The following DSCAM variants were observed in gnomAD, a reference collection of about 807,000 sequenced individuals.
The protein encoded by DSCAM is cell adhesion molecule DSCAM.
DSCAM carries 47 observed loss-of-function variants against 217.7 expected under a neutral mutation model. The observed-to-expected ratio is 0.22, with a 90% CI of 0.17 to 0.28. The LOEUF (loss-of-function observed/expected upper bound fraction) is 0.28, where lower values mean the gene tolerates loss of function less well. Among genes scored for constraint, DSCAM ranks in the 10% least tolerant of loss-of-function variants. DSCAM has a pLI of 1.00. For missense variants in DSCAM, 2,080 were observed against 2,618.3 expected, an observed-to-expected ratio of 0.79 and a Z score of 4.49; for synonymous variants, 1,056 against 1,015.3, an observed-to-expected ratio of 1.04 and a Z score of -0.76.
chr21:40,577,805 C>A (rs1394510975), intron 3 of DSCAM, among the ~76,000 whole-genome samples: 1 of 152,172 alleles, frequency 6.6e-6, no homozygotes, highest in Non-Finnish European at 1.5e-5. Flanking sequence ...GGCTTTAAGA[C>A]TACTACAAGG....
intron 3 of DSCAM, among the ~76,000 whole-genome samples, chr21:40,377,493 G>T (rs1818345909): frequency 6.6e-6 from 1 of 152,054 alleles, no homozygotes; most frequent in African/African-American, 2.4e-5. Context: ...TGATTCTGAG[G>T]GACCTATGGG....
At chr21:40,236,350 C>T (rs1403359023) in intron 11 of DSCAM, among the ~76,000 whole-genome samples, 1 of 152,148 alleles carries the variant, frequency 6.6e-6, no homozygotes, top group African/African-American at 2.4e-5. Context: ...CTCACGCTCA[C>T]CGTGTTGTAA....
chr21:40,347,478 C>G (rs889848696), intron 6 of DSCAM, among the ~76,000 whole-genome samples, 192 bp downstream of exon 6: 4 of 152,140 alleles, frequency 2.6e-5, no homozygotes, highest in Non-Finnish European at 5.9e-5. Flanking sequence ...TAATATGAAA[C>G]AATTTTATTT....
chr21:40,282,516 G>A (rs534075151), intron 10 of DSCAM, among the ~76,000 whole-genome samples: 5 of 149,612 alleles, frequency 3.3e-5, no homozygotes, highest in Non-Finnish European at 5.9e-5. Context: ...GCCTGAACCC[G>A]GGAGGCAGAG....
chr21:40,846,760 G>A lies in DSCAM; in HGVS notation c.-99C>T. 2.0e-6 allele frequency: 1 copy of A among 489,628 alleles called. No individual in the cohort carries two copies. Among genetic ancestry groups the A allele is most frequent in the South Asian group, 8.0e-5 (1 of 12,432 alleles). The allele number at this position is 489,628 out of a possible 1,614,324, so 30.3% of individuals were successfully genotyped here. On this transcript the variant is annotated 5_prime_UTR_variant, in exon 1 of 33. Transcript: ENST00000400454. ...GCTCGCCGCTCGGCACCTGCCCGGG[G>A]GCCGCCGCCCGCCCGCCGCCCGCCG...
rs796310854 is a variant in DSCAM, at chr21:40,324,132, G to GA, written c.1784-11774dup. Among the ~76,000 whole-genome samples, 387 of 80,146 alleles carry GA rather than the reference G, an allele frequency of 4.8e-3. 8 individuals are homozygous for GA. Among genetic ancestry groups the GA allele is most frequent in the South Asian group, 0.03 (70 of 2,358 alleles). 52.6% of individuals were successfully genotyped at this position (80,146 alleles called of 152,430 possible). A position where few individuals can be genotyped will look rare whatever the true frequency, so the allele number is the denominator to read the frequency against. The stretch of plus-strand genomic sequence containing the variant: ...AAAAAAAAAAAAAAAAAAAAAAAAA[G>GA]AAAAAAAAAAGAGAGAGAGAGAAAA... On this transcript the variant is annotated intron_variant, in intron 8 of 32. Coordinates refer to ENST00000400454, the MANE Select transcript of DSCAM (RefSeq NM_001389.5).
intron 1 of DSCAM, among the ~76,000 whole-genome samples, chr21:40,776,103 A>G (rs1003391053): frequency 6.6e-6 from 1 of 151,916 alleles, no homozygotes; most frequent in African/African-American, 2.4e-5. Context: ...TATTTATGTT[A>G]TTATTGCTTA....
intron 11 of DSCAM, among the ~76,000 whole-genome samples, chr21:40,265,601 G>T (rs1336419336): frequency 1.3e-5 from 2 of 152,076 alleles, no homozygotes; most frequent in African/African-American, 4.8e-5. Context: ...GATACTACAA[G>T]GCTATAGTAA....
intron 14 of DSCAM, among the ~76,000 whole-genome samples, chr21:40,181,739 T>C (rs2090804413): frequency 6.6e-6 from 1 of 151,824 alleles, no homozygotes. Flanking sequence ...GACTTGACAA[T>C]GCACAGAAAT....
rs1235367936 is a variant in DSCAM, at chr21:40,339,435, G to A, written c.1211-20C>T. 8 of 1,572,500 alleles carry A rather than the reference G, an allele frequency of 5.1e-6. No homozygotes were observed. The South Asian group carries it at 9.2e-5, about 18-fold the overall frequency. Reference sequence around the variant, plus strand: ...TTCCATCTGCAGGAAAACAAATTATGGAAGAAAGTGGCACATACAAATAAT... The same window carrying A: ...TTCCATCTGCAGGAAAACAAATTATAGAAGAAAGTGGCACATACAAATAAT... On this transcript the variant is annotated intron_variant, in intron 6 of 32. Transcript: ENST00000400454.
chr21:40,262,902 G>C (rs1314623232), intron 11 of DSCAM, among the ~76,000 whole-genome samples: 1 of 152,196 alleles, frequency 6.6e-6, no homozygotes, highest in Non-Finnish European at 1.5e-5. Flanking sequence ...TGAAACTAAT[G>C]TGCATGCACC....
chr21:40,307,704 C>T (rs1435877881), intron 9 of DSCAM, among the ~76,000 whole-genome samples: 1 of 152,062 alleles, frequency 6.6e-6, no homozygotes, highest in Non-Finnish European at 1.5e-5. Flanking sequence ...CAGTGATAGA[C>T]TGGATTAAGA....
intron 3 of DSCAM, among the ~76,000 whole-genome samples, chr21:40,648,250 TACACACACACACAC>T (rs10639388): frequency 6.9e-6 from 1 of 145,708 alleles, no homozygotes; most frequent in African/African-American, 2.5e-5. Flanking sequence ...CATATCCCTG[TACACACACACACAC>T]ACACACACAC....
intron 1 of DSCAM, among the ~76,000 whole-genome samples, chr21:40,748,774 A>G (rs998593849): frequency 1.1e-4 from 16 of 152,262 alleles, no homozygotes; most frequent in African/African-American, 3.8e-4. Flanking sequence ...CTGGAGAGCT[A>G]AAGGAATCTT....
chr21:40,679,238 G>A (rs757353368), intron 3 of DSCAM, among the ~76,000 whole-genome samples: 1 of 152,184 alleles, frequency 6.6e-6, no homozygotes, highest in Admixed American at 6.5e-5. Flanking sequence ...CACTCTCATG[G>A]AAAAGTTTCT....
At chr21:40,701,570 C>T (rs1462430337) in intron 2 of DSCAM, among the ~76,000 whole-genome samples, 3 of 152,104 alleles carry the variant, frequency 2.0e-5, no homozygotes, top group African/African-American at 2.4e-5. Context: ...GCAATAAAAT[C>T]TCCCTATTTT....
intron 3 of DSCAM, among the ~76,000 whole-genome samples, chr21:40,404,082 ACT>A (rs1412566956): frequency 6.6e-6 from 1 of 151,582 alleles, no homozygotes; most frequent in Non-Finnish European, 1.5e-5. Flanking sequence ...TCCCTTGCTG[ACT>A]CTCTTATTTC....
chr21:40,581,368 T>C (rs981542218), intron 3 of DSCAM, among the ~76,000 whole-genome samples: 1 of 152,124 alleles, frequency 6.6e-6, no homozygotes, highest in Admixed American at 6.5e-5. Flanking sequence ...ATAAATCTTA[T>C]CTCTGAAACT....
At chr21:40,430,924 G>T (rs917510019) in intron 3 of DSCAM, among the ~76,000 whole-genome samples, 3 of 152,044 alleles carry the variant, frequency 2.0e-5, no homozygotes, top group African/African-American at 7.3e-5. Context: ...AGGTGGTAAG[G>T]GTGGAGGCAG....
Sources: allele counts gnomAD v4.1 joint callset (sites outside exome capture counted in the v4.1 genomes callset), GRCh38; gene constraint gnomAD v4.1.1; transcripts MANE v1.5; gene names NCBI Gene and HGNC (gene_info 2026-07-23, HGNC 2026-07-21).